The following PSMF1 variants were observed in gnomAD, a reference collection of about 807,000 sequenced individuals.
The protein encoded by PSMF1 is proteasome inhibitor subunit 1, also known as proteasome inhibitor PI31 subunit.
Under a neutral mutation model 29.3 loss-of-function variants are expected in PSMF1, and 30 were observed. The ratio of observed to expected loss-of-function variants is 1.02; its 90% confidence interval spans 0.77 to 1.39. The LOEUF is 1.39. PSMF1 is among the 40% of genes most tolerant of loss of function. The pLI is 0.00. For synonymous variants in PSMF1, 134 were observed against 139.7 expected, an observed-to-expected ratio of 0.96 and a Z score of 0.29; for missense variants, 344 against 357.5, an observed-to-expected ratio of 0.96 and a Z score of 0.31.
intron 3 of PSMF1, among the ~76,000 whole-genome samples, chr20:1,127,730 A>T (rs2086177407): frequency 6.6e-6 from 1 of 152,218 alleles, no homozygotes. Context: ...TCAAGAGTCC[A>T]CAAGTGCAGT....
intron 4 of PSMF1, among the ~76,000 whole-genome samples, chr20:1,158,410 G>A (rs1249908561): frequency 2.6e-5 from 4 of 152,150 alleles, no homozygotes; most frequent in African/African-American, 4.8e-5. Context: ...AGACTGAAGT[G>A]CAGAAGTTTC....
chr20:1,166,613 C>A lies in PSMF1; in HGVS notation c.*1533C>A. On this transcript the variant is annotated 3_prime_UTR_variant, in exon 7 of 7. Transcript: ENST00000335877. ...AGCATGCGTGGCTCCCTGGGTATTTCTGTCAGTCCCCATGGCAAGCAGTGA... is the reference window on the plus strand; with the variant it reads ...AGCATGCGTGGCTCCCTGGGTATTTATGTCAGTCCCCATGGCAAGCAGTGA... 1 of 266,482 alleles carries A rather than the reference C, an allele frequency of 3.8e-6. No homozygotes were observed. Among genetic ancestry groups the A allele is most frequent in the Non-Finnish European group, 7.4e-6 (1 of 135,000 alleles). The allele number at this position is 266,482 out of a possible 1,614,324, so 16.5% of individuals were successfully genotyped here. A position where few individuals can be genotyped will look rare whatever the true frequency, so the allele number is the denominator to read the frequency against.
chr20:1,164,218 A>C lies in PSMF1; in HGVS notation c.606-100A>C. 1.0e-5 allele frequency: 13 copies of C among 1,248,326 alleles called. No homozygotes were observed. The highest frequency in any genetic ancestry group is 1.5e-5 in the African/African-American group (1 of 67,844). 77.3% of individuals were successfully genotyped at this position (1,248,326 alleles called of 1,614,324 possible). On this transcript the variant is annotated intron_variant, in intron 5 of 6. Transcript: ENST00000335877. This position sits in a 1 kb window ranked among gnomAD's most constrained non-coding sequence, Gnocchi z 4.1. ...CATGTCTGCTTGGGCCATCCAGAGT[A>C]GACATCCCAGCCATTCTTGGTGCAT...
chr20:1,121,187 C>T (rs2086082588), intron 1 of PSMF1, among the ~76,000 whole-genome samples: 1 of 151,744 alleles, frequency 6.6e-6, no homozygotes, highest in Non-Finnish European at 1.5e-5. Context: ...TAATTTTTCT[C>T]TGTTCATGGT....
chr20:1,162,985 C>G (rs1156394904), intron 4 of PSMF1, 145 bp from the exon 5 acceptor site: 5 of 745,432 alleles, frequency 6.7e-6, no homozygotes, highest in Non-Finnish European at 1.1e-5. Context: ...CATTGTTCAT[C>G]TGAGCCAAGG....
intron 4 of PSMF1, chr20:1,161,006 G>A (rs569489387): frequency 2.6e-5 from 10 of 385,088 alleles, no homozygotes; most frequent in Admixed American, 1.3e-4. Flanking sequence ...ATACTTCTAT[G>A]CCTCTGGGCG....
intron 4 of PSMF1, among the ~76,000 whole-genome samples, chr20:1,155,951 G>C (rs1600169553): frequency 1.3e-5 from 2 of 152,198 alleles, no homozygotes; most frequent in Admixed American, 1.3e-4. Context: ...TCAGTATTAA[G>C]ATGACACAGA....
At chr20:1,151,869 G>A (rs959633859) in intron 4 of PSMF1, among the ~76,000 whole-genome samples, 3 of 152,156 alleles carry the variant, frequency 2.0e-5, no homozygotes, top group African/African-American at 7.2e-5. Flanking sequence ...GGGAACGATG[G>A]GTACCAGTGG....
chr20:1,146,011 AT>A (rs1309183759), intron 4 of PSMF1, among the ~76,000 whole-genome samples: 1 of 151,824 alleles, frequency 6.6e-6, no homozygotes, highest in Admixed American at 6.6e-5. Context: ...TGCATTGTAC[AT>A]TTTTGGTGAG....
intron 3 of PSMF1, among the ~76,000 whole-genome samples, chr20:1,128,478 G>T (rs1421198170): frequency 6.6e-6 from 1 of 152,110 alleles, no homozygotes; most frequent in Non-Finnish European, 1.5e-5. Context: ...CTACATCAGT[G>T]CCTACCAAGA....
intron 4 of PSMF1, among the ~76,000 whole-genome samples, chr20:1,158,225 A>C (rs959373632): frequency 2.2e-4 from 33 of 152,004 alleles, no homozygotes; most frequent in Non-Finnish European, 3.8e-4. Flanking sequence ...TTAAAAAAAA[A>C]CTAAACAAAT....
At chr20:1,125,226 A>G (rs1320605173) in intron 1 of PSMF1, among the ~76,000 whole-genome samples, 1 of 152,166 alleles carries the variant, frequency 6.6e-6, no homozygotes, top group South Asian at 2.1e-4. Flanking sequence ...GGGAAGAGAT[A>G]ATTATTAAAC....
At position 1,163,612 on chromosome 20, in the gene PSMF1, C is replaced by A. The variant is rs914912983; in HGVS notation, c.605+429C>A. 1.3e-5 allele frequency among the ~76,000 whole-genome samples: 2 copies of A among 152,240 alleles called. No individual in the cohort carries two copies. Among genetic ancestry groups the A allele is most frequent in the South Asian group, 4.1e-4 (2 of 4,832 alleles). On this transcript the variant is annotated intron_variant, in intron 5 of 6. Transcript: ENST00000335877. The surrounding 1 kb of genome is among the most constrained non-coding windows in gnomAD (Gnocchi z 6.1). ...TACAGCCTCTGCTATCCACTGTCTT[C>A]CCTGAATGATTCCAAATAGATTTTA... is the stretch of plus-strand genomic sequence containing the variant.
intron 4 of PSMF1, among the ~76,000 whole-genome samples, chr20:1,147,884 GC>G (rs1261783503): frequency 6.6e-6 from 1 of 152,122 alleles, no homozygotes. Flanking sequence ...CAGGAAGGAG[GC>G]AAAAAGCAGC....
chr20:1,131,487 A>C (rs2086228556), intron 3 of PSMF1, among the ~76,000 whole-genome samples: 1 of 152,212 alleles, frequency 6.6e-6, no homozygotes, highest in African/African-American at 2.4e-5. Flanking sequence ...CTCTTAGTAA[A>C]ATACACAAAG....
At chr20:1,146,804 T>C (rs924256610) in intron 4 of PSMF1, among the ~76,000 whole-genome samples, 2 of 152,244 alleles carry the variant, frequency 1.3e-5, no homozygotes, top group Non-Finnish European at 2.9e-5. Context: ...GGAATAATTA[T>C]AGCTGTGTCA....
intron 1 of PSMF1, 59 bp downstream of exon 1, chr20:1,118,961 T>G: frequency 6.3e-7 from 1 of 1,587,904 alleles, no homozygotes; most frequent in Non-Finnish European, 8.6e-7. Context: ...AAACTCAGAG[T>G]ACCGGAGGCC....
At position 1,135,232 on chromosome 20, in the gene PSMF1, C is replaced by T. The variant is rs1256915558; in HGVS notation, c.477C>T (p.Pro159=). Residue 159 remains proline (P), a synonymous_variant, in exon 4 of 7, where the codon CCC becomes CCT. Transcript: ENST00000335877. The stretch of plus-strand genomic sequence containing the variant: ...TAAGCAGTCCCCACCGGGAGTTCCC[C>T]CCTGCTACCGCCAGAGAGGTGGACC... ...ANVSSPHREF[P]PATAREVDPL... 1 of 1,614,136 alleles carries T rather than the reference C, an allele frequency of 6.2e-7. No individual in the cohort carries two copies. Among genetic ancestry groups the T allele is most frequent in the Non-Finnish European group, 8.5e-7 (1 of 1,180,020 alleles).
chr20:1,116,797 G>A (rs922566600), upstream of PSMF1, among the ~76,000 whole-genome samples: 3 of 152,102 alleles, frequency 2.0e-5, no homozygotes, highest in East Asian at 3.9e-4. Context: ...AAGCCAGAGA[G>A]GGATTAAAGA....
Sources: gnomAD v4.1 joint callset for allele counts (sites outside exome capture counted in the v4.1 genomes callset) on GRCh38, gnomAD v4.1.1 for gene constraint, Gnocchi (gnomAD v3.1) non-coding constraint, MANE v1.5 for transcripts, NCBI Gene and HGNC (gene_info 2026-07-23, HGNC 2026-07-21) for gene names.